CELF5: variants seen among roughly 807,000 people sequenced by gnomAD.
CELF5 encodes the protein CUGBP Elav-like family member 5.
A neutral mutation model predicts 54.9 loss-of-function variants in CELF5; 6 were observed. That is an observed-to-expected ratio of 0.11 (90% CI 0.06 to 0.22). The LOEUF is 0.22. Ranked by LOEUF, CELF5 falls within the 10% of genes least tolerant of loss-of-function variation. The probability of loss-of-function intolerance (pLI) is 1.00; values close to 1 mark genes in which losing one functional copy is unlikely to be tolerated. For synonymous variants in CELF5, 271 were observed against 290.9 expected (o/e 0.93, Z 0.70); for missense variants, 401 against 678.6 (o/e 0.59, Z 4.54).
At chr19:3,279,172 G>A (rs777631729) in intron 5 of CELF5, among the ~76,000 whole-genome samples, 3 of 152,058 alleles carry the variant, frequency 2.0e-5, no homozygotes, top group Non-Finnish European at 4.4e-5. Flanking sequence ...CAGGGAGGAG[G>A]GCTGATCAGA....
intron 1 of CELF5, among the ~76,000 whole-genome samples, chr19:3,238,376 C>T (rs1056192870): frequency 2.6e-5 from 4 of 152,182 alleles, no homozygotes; most frequent in Non-Finnish European, 5.9e-5. Context: ...AGTGCACCTC[C>T]TCCTGGGTTC....
In CELF5 at chr19:3,284,982, T is replaced by C; in HGVS notation, c.1102+18T>C. On this transcript the variant is annotated intron_variant, in intron 9 of 12. Transcript: ENST00000292672. ...GTACACAGGTAGGAGGCAGCCCGCGTGCCCGCGCTGGGCCCTGGCCCCGCC... is the reference window on the plus strand; with the variant it reads ...GTACACAGGTAGGAGGCAGCCCGCGCGCCCGCGCTGGGCCCTGGCCCCGCC... The C allele has an allele frequency of 3.2e-6, 5 of 1,552,202 alleles. No individual in the cohort carries two copies. The highest frequency in any genetic ancestry group is 3.5e-6 in the Non-Finnish European group (4 of 1,129,808).
rs551492223 is a variant in CELF5 at position 3,245,144 on chromosome 19, C to T, written c.260-5841C>T. ...GTGTGTGTGTAGTGTGTGGTGTGTG[C>T]GTGCATCTCTGTGTGTGTTGTGCAT... is the stretch of plus-strand genomic sequence containing the variant. On this transcript the variant is annotated intron_variant, in intron 1 of 12. Transcript: ENST00000292672. Among the ~76,000 whole-genome samples, 23 of 130,960 alleles carry T rather than the reference C, an allele frequency of 1.8e-4. No homozygotes were observed. The South Asian group carries it at 2.5e-3, about 14-fold the overall frequency. 85.9% of individuals were successfully genotyped at this position (130,960 alleles called of 152,430 possible). A position where few individuals can be genotyped will look rare whatever the true frequency, so the allele number is the denominator to read the frequency against.
chr19:3,264,291 A>G (rs375170890), intron 2 of CELF5, among the ~76,000 whole-genome samples: 2 of 129,900 alleles, frequency 1.5e-5, no homozygotes, highest in East Asian at 5.0e-4. Flanking sequence ...ATATGTCCCT[A>G]AAGCACTAGG....
chr19:3,248,220 A>G (rs1002814773), intron 1 of CELF5, among the ~76,000 whole-genome samples: 1 of 152,080 alleles, frequency 6.6e-6, no homozygotes, highest in Non-Finnish European at 1.5e-5. Context: ...CAGTGGTGCT[A>G]TCATAGCTCA....
At chr19:3,284,998 T>TGGCCCTCCCCCCGCCCAG (rs2080213352) in intron 9 of CELF5, 34 bp downstream of exon 9, 1 of 1,496,836 alleles carries the variant, frequency 6.7e-7, no homozygotes, top group Non-Finnish European at 9.2e-7. Context: ...CGCTGGGCCC[T>TGGCCCTCCCCCCGCCCAG]GGCCCCGCCC....
chr19:3,241,867 C>T (rs1029702813), intron 1 of CELF5, among the ~76,000 whole-genome samples: 4 of 152,128 alleles, frequency 2.6e-5, no homozygotes, highest in South Asian at 2.1e-4. Flanking sequence ...CCTTATCTCC[C>T]GGGTTCGAGC....
intron 1 of CELF5, among the ~76,000 whole-genome samples, chr19:3,249,239 T>C (rs1412037388): frequency 6.6e-6 from 1 of 152,062 alleles, no homozygotes; most frequent in Non-Finnish European, 1.5e-5. Flanking sequence ...ATGGTCTCAT[T>C]TCACAGGTCC....
intron 2 of CELF5, among the ~76,000 whole-genome samples, chr19:3,270,285 G>A (rs1456781286): frequency 6.6e-6 from 1 of 152,188 alleles, no homozygotes; most frequent in East Asian, 1.9e-4. Context: ...GAATACTGCT[G>A]AAGAAACGGA....
intron 1 of CELF5, among the ~76,000 whole-genome samples, chr19:3,231,223 T>C (rs764601683): frequency 2.0e-5 from 3 of 152,156 alleles, no homozygotes; most frequent in Non-Finnish European, 4.4e-5. Flanking sequence ...CATTTGGAAG[T>C]GAGCTTGTGG....
intron 4 of CELF5, among the ~76,000 whole-genome samples, chr19:3,276,775 C>T (rs1017474738): frequency 2.7e-5 from 4 of 145,652 alleles, no homozygotes; most frequent in Non-Finnish European, 4.5e-5. Flanking sequence ...GATGCAGGGG[C>T]AGTACCTTGG....
chr19:3,241,709 A>G (rs985076187), intron 1 of CELF5, among the ~76,000 whole-genome samples: 1 of 152,026 alleles, frequency 6.6e-6, no homozygotes, highest in African/African-American at 2.4e-5. Flanking sequence ...CACAGTTGAA[A>G]TGGGATCCAC....
At chr19:3,239,298 C>G (rs1355446913) in intron 1 of CELF5, among the ~76,000 whole-genome samples, 6 of 151,596 alleles carry the variant, frequency 4.0e-5, no homozygotes, top group Admixed American at 3.9e-4. Flanking sequence ...CAAAGTCTCA[C>G]TACATTGCCC....
chr19:3,251,821 T>C (rs138232940), intron 2 of CELF5, among the ~76,000 whole-genome samples: 9,870 of 151,844 alleles, frequency 0.065, 849 homozygotes, highest in East Asian at 0.43. Context: ...ATTACAGGCG[T>C]GCACCACCAT....
chr19:3,259,428 C>A (rs551939184), intron 2 of CELF5, among the ~76,000 whole-genome samples: 1 of 150,690 alleles, frequency 6.6e-6, no homozygotes, highest in South Asian at 2.1e-4. Context: ...CAATTCAACC[C>A]CAATGTCCAC....
intron 1 of CELF5, among the ~76,000 whole-genome samples, chr19:3,241,347 C>T (rs2076798676): frequency 6.6e-6 from 1 of 151,494 alleles, no homozygotes; most frequent in South Asian, 2.1e-4. Flanking sequence ...TCCCAAAGTG[C>T]TGGGATTACA....
At chr19:3,234,660 G>A (rs1917434170) in intron 1 of CELF5, among the ~76,000 whole-genome samples, 1 of 152,104 alleles carries the variant, frequency 6.6e-6, no homozygotes, top group Admixed American at 6.5e-5. Context: ...GTGTCCTGGG[G>A]ATGAGGCCTG....
At chr19:3,273,823 CACA>C in intron 2 of CELF5, 46 bp from the exon 3 acceptor site, 400 of 1,263,218 alleles carry the variant, frequency 3.2e-4, no homozygotes, top group Non-Finnish European at 4.1e-4. Flanking sequence ...CCCCGCCTGC[CACA>C]CCCCCACTGC....
At chr19:3,277,922 T>C in intron 4 of CELF5, 109 bp from the exon 5 acceptor site, 1 of 757,986 alleles carries the variant, frequency 1.3e-6, no homozygotes, top group Non-Finnish European at 2.3e-6. Context: ...TCTGGCTGCA[T>C]GTGTCTGACA....
Sources: allele counts gnomAD v4.1 joint callset (sites outside exome capture counted in the v4.1 genomes callset), GRCh38; gene constraint gnomAD v4.1.1; transcripts MANE v1.5; gene names NCBI Gene and HGNC (gene_info 2026-07-23, HGNC 2026-07-21).